Variants in COLEC12 observed in about 807,000 individuals in gnomAD.
COLEC12 encodes the protein collectin-12.
Under a neutral mutation model 71.1 loss-of-function variants are expected in COLEC12, and 33 were observed. The ratio of observed to expected loss-of-function variants is 0.46; its 90% CI spans 0.35 to 0.62. The LOEUF is 0.62. Ranked by LOEUF, COLEC12 falls within the 20% of genes least tolerant of loss-of-function variation. COLEC12 has a pLI of 0.00. For synonymous variants in COLEC12, 350 were observed against 353.0 expected (o/e 0.99, Z 0.10); for missense variants, 765 against 916.1 (o/e 0.84, Z 2.13).
At chr18:350,263 GT>G (rs1190187556) in intron 3 of COLEC12, among the ~76,000 whole-genome samples, 1 of 152,104 alleles carries the variant, frequency 6.6e-6, no homozygotes, top group East Asian at 1.9e-4. Context: ...GATCTGATGG[GT>G]TTCCACTTTT....
intron 2 of COLEC12, among the ~76,000 whole-genome samples, chr18:375,630 T>C (rs1173618768): frequency 6.6e-6 from 1 of 152,208 alleles, no homozygotes; most frequent in Non-Finnish European, 1.5e-5. Flanking sequence ...CCTGAGTAGG[T>C]AGGACCACAG....
At chr18:411,581 T>A (rs1460901667) in intron 2 of COLEC12, among the ~76,000 whole-genome samples, 6 of 152,064 alleles carry the variant, frequency 3.9e-5, no homozygotes, top group African/African-American at 1.2e-4. Flanking sequence ...AAAAAATAAA[T>A]AACCAAAGTT....
intron 2 of COLEC12, among the ~76,000 whole-genome samples, chr18:465,395 C>A (rs1467387483): frequency 2.0e-5 from 3 of 152,180 alleles, no homozygotes; most frequent in Non-Finnish European, 4.4e-5. Flanking sequence ...AGCCACTGCA[C>A]CCAGCCAAAA....
chr18:357,293 G>T, intron 3 of COLEC12, 107 bp downstream of exon 3: 1 of 1,059,560 alleles, frequency 9.4e-7, no homozygotes, highest in South Asian at 1.5e-5. Flanking sequence ...TTTTGCATCT[G>T]AGTTGTATGA....
chr18:410,442 C>CTT (rs113699478), intron 2 of COLEC12, among the ~76,000 whole-genome samples: 14,322 of 144,548 alleles, frequency 0.099, 733 homozygotes, highest in Admixed American at 0.14. Flanking sequence ...AGTTGTTCTT[C>CTT]TTTTTTTTTT....
chr18:418,155 T>C (rs1475997416), intron 2 of COLEC12, among the ~76,000 whole-genome samples: 1 of 152,238 alleles, frequency 6.6e-6, no homozygotes, highest in African/African-American at 2.4e-5. Context: ...TCTGCTTCTC[T>C]ATTTGAAAAT....
At chr18:345,812 C>A (rs1269287932) in intron 5 of COLEC12, among the ~76,000 whole-genome samples, 1 of 152,222 alleles carries the variant, frequency 6.6e-6, no homozygotes, top group Non-Finnish European at 1.5e-5. Context: ...AGATGTGGAA[C>A]TTAATTCCAC....
At chr18:355,807 A>T (rs977941018) in intron 3 of COLEC12, among the ~76,000 whole-genome samples, 7 of 152,216 alleles carry the variant, frequency 4.6e-5, no homozygotes, top group Non-Finnish European at 7.3e-5. Flanking sequence ...TACCTGGGAC[A>T]TGGAAAACCC....
chr18:365,027 C>A lies in COLEC12; in HGVS notation c.59-7505G>T, dbSNP rs1297816016. On this transcript the variant is annotated intron_variant, in intron 2 of 9. Transcript: ENST00000400256. The stretch of plus-strand genomic sequence containing the variant: ...AAAACAAAGCAAGATAAAGGATGCC[C>A]AACGAGATAATCTAGAAAACGGACC... Among the ~76,000 whole-genome samples the A allele has an allele frequency of 2.6e-5, 4 of 152,148 alleles. No individual in the cohort carries two copies. The East Asian group carries it at 7.7e-4, about 29-fold the overall frequency.
intron 2 of COLEC12, among the ~76,000 whole-genome samples, chr18:427,542 C>T (rs566176734): frequency 3.3e-5 from 5 of 152,136 alleles, no homozygotes; most frequent in African/African-American, 1.2e-4. Context: ...CACTGGAGTC[C>T]CTAGACGGTG....
At chr18:421,393 G>A (rs1405917623) in intron 2 of COLEC12, among the ~76,000 whole-genome samples, 1 of 152,032 alleles carries the variant, frequency 6.6e-6, no homozygotes, top group Non-Finnish European at 1.5e-5. Flanking sequence ...TTTTCTTTGA[G>A]AAAAGCCACA....
rs767450249 is a variant in COLEC12, at chr18:346,983, C to G, written c.639G>C (p.Gln213His). ...TCGTGATGAGGTTCCTCTGCTGCACCTGGGTCAGGTTCAGGTTGTTGAGGT... is the reference window on the plus strand; with the variant it reads ...TCGTGATGAGGTTCCTCTGCTGCACGTGGGTCAGGTTCAGGTTGTTGAGGT... ...IMNLNNLNLT[Q>H]VQQRNLITNL... Residue 213 changes from glutamine (Q) to histidine (H), a missense_variant, in exon 5 of 10, where the codon CAG becomes CAC. Transcript: ENST00000400256. The surrounding 1 kb of genome is among the most constrained non-coding windows in gnomAD (Gnocchi z 4.0). 2.5e-6 allele frequency: 4 copies of G among 1,614,096 alleles called. No homozygotes were observed. The highest frequency in any genetic ancestry group is 8.5e-7 in the Non-Finnish European group (1 of 1,180,038).
chr18:441,665 T>C (rs977131481), intron 2 of COLEC12, among the ~76,000 whole-genome samples: 5 of 152,130 alleles, frequency 3.3e-5, no homozygotes, highest in African/African-American at 2.4e-5. Flanking sequence ...ATACTAACAA[T>C]GTTTTTCTTT....
At chr18:375,489 T>G (rs1200282255) in intron 2 of COLEC12, among the ~76,000 whole-genome samples, 4 of 152,174 alleles carry the variant, frequency 2.6e-5, no homozygotes, top group African/African-American at 9.7e-5. Flanking sequence ...TCTTGTTTAT[T>G]TTATGTATTT....
At chr18:345,009 C>A (rs1368540601) in intron 5 of COLEC12, among the ~76,000 whole-genome samples, 1 of 152,234 alleles carries the variant, frequency 6.6e-6, no homozygotes, top group Non-Finnish European at 1.5e-5. Context: ...CCACTCTTTA[C>A]CCTTGATTAT....
chr18:453,539 G>A (rs577859156), intron 2 of COLEC12, among the ~76,000 whole-genome samples: 13 of 152,236 alleles, frequency 8.5e-5, no homozygotes, highest in Middle Eastern at 3.4e-3. Context: ...ATTTGTCAGC[G>A]CTAAATGCTA....
At chr18:425,696 T>A (rs985804902) in intron 2 of COLEC12, among the ~76,000 whole-genome samples, 4 of 152,196 alleles carry the variant, frequency 2.6e-5, no homozygotes, top group Non-Finnish European at 5.9e-5. Context: ...TCTGGAGCCA[T>A]GAGGGCATGT....
chr18:402,079 T>C (rs562602674), intron 2 of COLEC12, among the ~76,000 whole-genome samples: 1 of 152,332 alleles, frequency 6.6e-6, no homozygotes, highest in Admixed American at 6.5e-5. Flanking sequence ...TCTAGGTTCT[T>C]GGTGTTTTGA....
At chr18:454,595 T>C (rs1418160199) in intron 2 of COLEC12, among the ~76,000 whole-genome samples, 1 of 152,166 alleles carries the variant, frequency 6.6e-6, no homozygotes, top group East Asian at 1.9e-4. Flanking sequence ...GGCAGGAGAA[T>C]CACTTGAACC....
Sources: allele counts gnomAD v4.1 joint callset (sites outside exome capture counted in the v4.1 genomes callset), GRCh38; gene constraint gnomAD v4.1.1; non-coding constraint Gnocchi (gnomAD v3.1); transcripts MANE v1.5; gene names NCBI Gene and HGNC (gene_info 2026-07-23, HGNC 2026-07-21).